The following ATOH8 variants were observed in gnomAD, a reference collection of about 807,000 sequenced individuals.
ATOH8 encodes the protein atonal bHLH transcription factor 8, also known as transcription factor ATOH8.
A neutral mutation model predicts 21.2 loss-of-function variants in ATOH8; 9 were observed. The ratio of observed to expected loss-of-function variants is 0.42; its 90% confidence interval spans 0.26 to 0.74. The LOEUF (loss-of-function observed/expected upper bound fraction) is 0.74. Ranked by LOEUF, ATOH8 falls within the 30% of genes least tolerant of loss-of-function variation. ATOH8 has a pLI of 0.24. For synonymous variants in ATOH8, 253 were observed against 224.0 expected, an observed-to-expected ratio of 1.13 and a Z score of -1.16; for missense variants, 524 against 470.9, an observed-to-expected ratio of 1.11 and a Z score of -1.04.
Position 85,788,515 on chromosome 2 carries a change from G to A in ATOH8, c.*1625G>A, listed in dbSNP as rs186352310. Among the ~76,000 whole-genome samples, 2 of 152,246 alleles carry A rather than the reference G, an allele frequency of 1.3e-5. No individual in the cohort carries two copies. Among genetic ancestry groups the A allele is most frequent in the Admixed American group, 6.5e-5 (1 of 15,298 alleles). ...AGTCCCAGCCCAAAGTCTCTTGTGT[G>A]GCCTTGTCACATTGCTTCACCTCAG... is the stretch of plus-strand genomic sequence containing the variant. On this transcript the variant is annotated 3_prime_UTR_variant, in exon 3 of 3. Coordinates refer to ENST00000306279, the MANE Select transcript of ATOH8 (RefSeq NM_032827.7).
In ATOH8 at chr2:85,754,736, C is replaced by A. The variant is rs181176366; in HGVS notation, c.547C>A (p.Pro183Thr). Reference protein sequence around the residue: ...APPESTVRPAPPTRPGESSYS... With the variant: ...APPESTVRPATPTRPGESSYS... The stretch of plus-strand genomic sequence containing the variant: ...CCCGGAGTCCACTGTGCGCCCTGCG[C>A]CCCCGACGCGCCCCGGGGAAAGTTC... The change falls in exon 1 of 3, where the codon CCC becomes ACC. Residue 183 changes from proline to threonine, a missense_variant. By Grantham distance (38) the Pro-to-Thr change is conservative (BLOSUM62 -1). Coordinates refer to ENST00000306279, the MANE Select transcript of ATOH8 (RefSeq NM_032827.7). 6.8e-6 allele frequency: 11 copies of A among 1,612,456 alleles called. No individual in the cohort carries two copies. In the Admixed American group the frequency reaches 1.3e-4, roughly 20 times the overall value.
At chr2:85,779,561 G>C (rs1417860355) in intron 2 of ATOH8, among the ~76,000 whole-genome samples, 1 of 152,212 alleles carries the variant, frequency 6.6e-6, no homozygotes, top group Non-Finnish European at 1.5e-5. Flanking sequence ...TAGGCTCCAG[G>C]AGTCAAAGGC....
In ATOH8 at chr2:85,789,983, G is replaced by A. The variant is rs745673594; in HGVS notation, c.*3093G>A. On this transcript the variant is annotated 3_prime_UTR_variant, in exon 3 of 3. Transcript: ENST00000306279. ...CACATGCATACCCACACACACACTC[G>A]TGTACATTTCCAGAAAATGGAATTA... is the stretch of plus-strand genomic sequence containing the variant. Among the ~76,000 whole-genome samples, 7 of 152,160 alleles carry A rather than the reference G, an allele frequency of 4.6e-5. No homozygotes were observed. The highest frequency in any genetic ancestry group is 2.0e-4 in the Admixed American group (3 of 15,270).
chr2:85,772,220 C>T (rs532045128), intron 2 of ATOH8, among the ~76,000 whole-genome samples: 115 of 152,344 alleles, frequency 7.5e-4, no homozygotes, highest in African/African-American at 2.6e-3. Flanking sequence ...GCTGCGGGCA[C>T]CCCCAGCTTT....
chr2:85,790,116 T>G lies in ATOH8; in HGVS notation c.*3226T>G, dbSNP rs757869083. On this transcript the variant is annotated 3_prime_UTR_variant, in exon 3 of 3. Transcript: ENST00000306279. ...TATAAATGACGAGGAGCTGCCCTCA[T>G]GGGGCCCTGTGAAAGCACTTTGCAG... Among the ~76,000 whole-genome samples, 1 of 152,216 alleles carries G rather than the reference T, an allele frequency of 6.6e-6. No homozygotes were observed. The highest frequency in any genetic ancestry group is 1.5e-5 in the Non-Finnish European group (1 of 68,030).
At position 85,785,962 on chromosome 2, in the gene ATOH8, C is replaced by T. The variant is rs1026601089; in HGVS notation, c.961-923C>T. Among the ~76,000 whole-genome samples the T allele has an allele frequency of 6.6e-6, 1 of 152,120 alleles. No homozygotes were observed. Among genetic ancestry groups the T allele is most frequent in the Admixed American group, 6.5e-5 (1 of 15,278 alleles). On this transcript the variant is annotated intron_variant, in intron 2 of 2. Coordinates refer to ENST00000306279, the MANE Select transcript of ATOH8 (RefSeq NM_032827.7). This position sits in a 1 kb window ranked among gnomAD's most constrained non-coding sequence, Gnocchi z 4.1. ...ATCTGGAGGTCTCACAGAGCCTCCCCACCGGCTCTGACCTCCCCAGAGAGC... is the reference window on the plus strand; with the variant it reads ...ATCTGGAGGTCTCACAGAGCCTCCCTACCGGCTCTGACCTCCCCAGAGAGC...
At position 85,786,947 on chromosome 2, in the gene ATOH8, A is replaced by C; in HGVS notation, c.*57A>C. 6.2e-7 allele frequency: 1 copy of C among 1,613,438 alleles called. No homozygotes were observed. The highest frequency in any genetic ancestry group is 1.1e-5 in the South Asian group (1 of 91,048). ...TGGGCCCTCCTTCCAGTCAGGCCTG[A>C]GGACAAGGTGAGCTCGCTGAGTCCA... On this transcript the variant is annotated 3_prime_UTR_variant, in exon 3 of 3. Coordinates refer to ENST00000306279, the MANE Select transcript of ATOH8 (RefSeq NM_032827.7).
rs2104506686 is a variant in ATOH8, at chr2:85,764,290, ATCAGCTCTTGGAGG to A, written c.960+110_960+123del. 2.1e-6 allele frequency: 3 copies of A among 1,406,282 alleles called. No homozygotes were observed. In the East Asian group the frequency reaches 7.1e-5, roughly 33 times the overall value. 87.1% of individuals were successfully genotyped at this position (1,406,282 alleles called of 1,614,324 possible). A position where few individuals can be genotyped will look rare whatever the true frequency, so the allele number is the denominator to read the frequency against. On this transcript the variant is annotated intron_variant, in intron 2 of 2. Coordinates refer to ENST00000306279, the MANE Select transcript of ATOH8 (RefSeq NM_032827.7). ...CCAGAATTCTGAAGGGGCCAGAGAG[ATCAGCTCTTGGAGG>A]TTTGCTGGGAGTTGCCTCAGCTTCA...
In ATOH8 at chr2:85,790,317, T is replaced by A. The variant is rs1680736297; in HGVS notation, c.*3427T>A. Among the ~76,000 whole-genome samples the A allele has an allele frequency of 6.6e-6, 1 of 152,088 alleles. No individual in the cohort carries two copies. The highest frequency in any genetic ancestry group is 2.4e-5 in the African/African-American group (1 of 41,372). ...ATGAAGCCCCACGTGTGCACACCCA[T>A]CTTCATGTGTGTGTGTGCCAGCCTC... On this transcript the variant is annotated 3_prime_UTR_variant, in exon 3 of 3. Coordinates refer to ENST00000306279, the MANE Select transcript of ATOH8 (RefSeq NM_032827.7).
chr2:85,778,941 C>G (rs1200713873), intron 2 of ATOH8, among the ~76,000 whole-genome samples: 1 of 152,138 alleles, frequency 6.6e-6, no homozygotes, highest in Non-Finnish European at 1.5e-5. Context: ...CTGCTCTCCA[C>G]CAGCCTGGGT....
At chr2:85,759,097 C>T (rs927928082) in intron 1 of ATOH8, among the ~76,000 whole-genome samples, 2 of 152,196 alleles carry the variant, frequency 1.3e-5, no homozygotes, top group African/African-American at 4.8e-5. Flanking sequence ...GCCCGGGCTA[C>T]CTCCCCTGCT....
chr2:85,759,704 G>A (rs576779480), intron 1 of ATOH8, among the ~76,000 whole-genome samples: 30 of 152,216 alleles, frequency 2.0e-4, no homozygotes, highest in African/African-American at 6.0e-4. Context: ...GACACGAGAC[G>A]ATCAGATGAT....
In ATOH8 at chr2:85,754,660, C is replaced by CGGTG; in HGVS notation, c.472_473insGTGG (p.Ala158GlyfsTer46). On this transcript the variant is annotated frameshift_variant, in exon 1 of 3. Transcript: ENST00000306279. LOFTEE classifies it high-confidence loss of function. Reference sequence around the variant, plus strand: ...GTCTGCGTCCTCGCATCTTGCTGTGCGCACCGCCCGCGCGCCCCGCGCCGT... The same window carrying CGGTG: ...GTCTGCGTCCTCGCATCTTGCTGTGCGGTGGCACCGCCCGCGCGCCCCGCGCCGT... 1 of 1,536,992 alleles carries CGGTG rather than the reference C, an allele frequency of 6.5e-7. No homozygotes were observed. The highest frequency in any genetic ancestry group is 8.7e-7 in the Non-Finnish European group (1 of 1,143,960).
In ATOH8 at chr2:85,785,275, A is replaced by G. The variant is rs1173009636; in HGVS notation, c.961-1610A>G. On this transcript the variant is annotated intron_variant, in intron 2 of 2. Transcript: ENST00000306279. This position sits in a 1 kb window ranked among gnomAD's most constrained non-coding sequence, Gnocchi z 4.1. The stretch of plus-strand genomic sequence containing the variant: ...AAATCACCCCGTGGACCACAGACCC[A>G]GTGCCATCCCCACGGGTTTCCTTTC... 2.0e-5 allele frequency among the ~76,000 whole-genome samples: 3 copies of G among 152,254 alleles called. No homozygotes were observed. Among genetic ancestry groups the G allele is most frequent in the African/African-American group, 7.2e-5 (3 of 41,470 alleles).
rs748701915 is a variant in ATOH8 at position 85,786,866 on chromosome 2, G to C, written c.961-19G>C. On this transcript the variant is annotated intron_variant, in intron 2 of 2. Coordinates refer to ENST00000306279, the MANE Select transcript of ATOH8 (RefSeq NM_032827.7). ...AGGTGGAGCAGGGGCAGCTTTTAAT[G>C]GCTGGTCATGTCTTTCAGGAGTGAC... is the stretch of plus-strand genomic sequence containing the variant. 1.1e-5 allele frequency: 17 copies of C among 1,613,870 alleles called. No homozygotes were observed. Among genetic ancestry groups the C allele is most frequent in the Non-Finnish European group, 1.4e-5 (16 of 1,180,012 alleles).
intron 2 of ATOH8, among the ~76,000 whole-genome samples, chr2:85,779,689 C>G (rs1680431230): frequency 6.6e-6 from 1 of 152,212 alleles, no homozygotes; most frequent in South Asian, 2.1e-4. Context: ...CCTTGCCCTG[C>G]TGCATCCTAG....
At chr2:85,778,198 A>G (rs995231547) in intron 2 of ATOH8, among the ~76,000 whole-genome samples, 4 of 152,366 alleles carry the variant, frequency 2.6e-5, no homozygotes, top group South Asian at 4.1e-4. Flanking sequence ...TGCAGCTGGT[A>G]GAATGGGGAA....
At chr2:85,781,957 G>T (rs577677957) in intron 2 of ATOH8, among the ~76,000 whole-genome samples, 2 of 152,270 alleles carry the variant, frequency 1.3e-5, no homozygotes, top group South Asian at 2.1e-4. Context: ...ATCCTGCTCA[G>T]GGCCCCCCAG....
At chr2:85,782,852 C>T (rs2001594) in intron 2 of ATOH8, among the ~76,000 whole-genome samples, 9,100 of 152,240 alleles carry the variant, frequency 0.06, 904 homozygotes, top group African/African-American at 0.21. Flanking sequence ...TGCGCCACCA[C>T]ACCCAGCTAA....
Sources: allele counts gnomAD v4.1 joint callset (sites outside exome capture counted in the v4.1 genomes callset), GRCh38; gene constraint gnomAD v4.1.1; non-coding constraint Gnocchi (gnomAD v3.1); transcripts MANE v1.5; gene names NCBI Gene and HGNC (gene_info 2026-07-23, HGNC 2026-07-21).